The following SORCS3 variants were observed in gnomAD, a reference collection of about 807,000 sequenced individuals.
SORCS3 encodes VPS10 domain-containing receptor SorCS3.
Under a neutral mutation model 146.3 loss-of-function variants are expected in SORCS3, and 57 were observed. That is an observed-to-expected ratio of 0.39 (90% confidence interval 0.31 to 0.49). The LOEUF is 0.49. SORCS3 is among the 20% of genes least tolerant of loss of function. SORCS3 has a pLI of 0.92. For synonymous variants in SORCS3, 653 were observed against 618.5 expected (o/e 1.06, Z -0.83); for missense variants, 1,341 against 1,575.5 (o/e 0.85, Z 2.52).
intron 20 of SORCS3, among the ~76,000 whole-genome samples, chr10:105,234,528 CATTCTTGGAT>C (rs1404113845): frequency 6.7e-6 from 1 of 149,496 alleles, no homozygotes; most frequent in Non-Finnish European, 1.5e-5. Context: ...AGTTGTTCCT[CATTCTTGGAT>C]ATTCTTTTCC....
intron 14 of SORCS3, among the ~76,000 whole-genome samples, chr10:105,199,431 A>G (rs912374248): frequency 6.6e-6 from 1 of 152,098 alleles, no homozygotes; most frequent in Non-Finnish European, 1.5e-5. Context: ...GTAGGTAGGT[A>G]TTCATGTGCG....
intron 1 of SORCS3, among the ~76,000 whole-genome samples, chr10:104,653,965 C>T (rs1237814477): frequency 6.6e-6 from 1 of 152,094 alleles, no homozygotes; most frequent in Non-Finnish European, 1.5e-5. Context: ...CACTACCCTT[C>T]CTGCCTCTGG....
At chr10:105,187,272 T>G (rs2056483725) in intron 14 of SORCS3, among the ~76,000 whole-genome samples, 1 of 152,184 alleles carries the variant, frequency 6.6e-6, no homozygotes, top group Non-Finnish European at 1.5e-5. Flanking sequence ...TTCCACTACC[T>G]TGCCAATCAT....
At chr10:105,021,734 T>C (rs1392931562) in intron 4 of SORCS3, among the ~76,000 whole-genome samples, 2 of 152,222 alleles carry the variant, frequency 1.3e-5, no homozygotes, top group East Asian at 1.9e-4. Context: ...AGCTTTCATC[T>C]GTTTTCTCAT....
chr10:105,244,156 G>A (rs1295956815), intron 20 of SORCS3, among the ~76,000 whole-genome samples: 2 of 152,202 alleles, frequency 1.3e-5, no homozygotes, highest in Middle Eastern at 3.4e-3. Context: ...GAGAATTTGA[G>A]AGGGCACTGA....
chr10:105,186,712 G>T (rs914821531), intron 14 of SORCS3, among the ~76,000 whole-genome samples: 1 of 151,682 alleles, frequency 6.6e-6, no homozygotes, highest in Non-Finnish European at 1.5e-5. Flanking sequence ...GTGAAACCCC[G>T]TCTCTACTAA....
chr10:104,663,658 C>T (rs895215292), intron 1 of SORCS3, among the ~76,000 whole-genome samples: 4 of 152,172 alleles, frequency 2.6e-5, no homozygotes, highest in African/African-American at 4.8e-5. Context: ...TTGTCATTTA[C>T]GGCAATGACT....
At chr10:105,256,059 G>C (rs976356642) in intron 24 of SORCS3, among the ~76,000 whole-genome samples, 1 of 152,110 alleles carries the variant, frequency 6.6e-6, no homozygotes, top group Non-Finnish European at 1.5e-5. Flanking sequence ...ATTTACTTGG[G>C]TCTTAACCTT....
intron 1 of SORCS3, among the ~76,000 whole-genome samples, chr10:104,680,981 C>A (rs886135372): frequency 3.9e-5 from 6 of 152,230 alleles, no homozygotes; most frequent in African/African-American, 1.4e-4. Context: ...GAGGGACAGG[C>A]GCCAGGGCAG....
intron 4 of SORCS3, among the ~76,000 whole-genome samples, chr10:104,992,310 C>G (rs910570236): frequency 6.6e-6 from 1 of 152,102 alleles, no homozygotes; most frequent in African/African-American, 2.4e-5. Context: ...CCATGAGGAC[C>G]CCTTGGAAGA....
Position 104,842,837 on chromosome 10 carries a change from G to A in SORCS3, c.673G>A (p.Val225Met), listed in dbSNP as rs200604332. 138 of 1,613,722 alleles carry A rather than the reference G, an allele frequency of 8.6e-5. No homozygotes were observed. The highest frequency in any genetic ancestry group is 9.4e-5 in the Non-Finnish European group (111 of 1,179,834). ...TKLYDFNLGS[V>M]TESSLWRSTD... is the part of the protein sequence containing the mutation. ...GCTGTATGACTTCAACCTGGGCAGC[G>A]TGACTGAGAGTTCACTATGGAGGTA... Residue 225 changes from valine to methionine, a missense_variant, in exon 2 of 27, where the codon GTG (valine) becomes ATG (methionine). Physicochemically the swap from Val to Met is conservative, Grantham distance 21. Transcript: ENST00000369701.
intron 3 of SORCS3, among the ~76,000 whole-genome samples, chr10:104,960,006 G>T (rs2054783812): frequency 6.6e-6 from 1 of 152,106 alleles, no homozygotes; most frequent in African/African-American, 2.4e-5. Context: ...GTCTCAAAGG[G>T]TTGTTGCAGC....
intron 16 of SORCS3, among the ~76,000 whole-genome samples, chr10:105,201,464 G>A (rs1352103790): frequency 1.3e-5 from 2 of 152,192 alleles, no homozygotes; most frequent in South Asian, 2.1e-4. Flanking sequence ...TTCACAGAGA[G>A]AGTCACTGAT....
intron 1 of SORCS3, among the ~76,000 whole-genome samples, chr10:104,780,136 AG>A (rs1158547007): frequency 5.3e-5 from 3 of 56,374 alleles, no homozygotes; most frequent in Non-Finnish European, 9.4e-5. Context: ...GAGAGGAGGC[AG>A]TTTTTTTTTT....
In SORCS3 at chr10:104,872,459, C is replaced by T. The variant is rs190659405; in HGVS notation, c.695+29600C>T. Among the ~76,000 whole-genome samples the T allele has an allele frequency of 2.0e-4, 30 of 152,214 alleles. No individual in the cohort carries two copies. In the East Asian group the frequency reaches 2.3e-3, roughly 12 times the overall value. On this transcript the variant is annotated intron_variant, in intron 2 of 26. Transcript: ENST00000369701. ...CAATGTGAGTGTGCATCAGCATTACCGGTCTGCAACAATTTACAGTCCTGC... is the reference window on the plus strand; with the variant it reads ...CAATGTGAGTGTGCATCAGCATTACTGGTCTGCAACAATTTACAGTCCTGC...
chr10:105,255,205 A>AG (rs1261148258), intron 23 of SORCS3, among the ~76,000 whole-genome samples: 1 of 151,398 alleles, frequency 6.6e-6, no homozygotes, highest in East Asian at 1.9e-4. Flanking sequence ...AAAAAAAAAA[A>AG]AAAAAAGTGG....
intron 3 of SORCS3, among the ~76,000 whole-genome samples, chr10:104,942,706 A>C (rs2019332709): frequency 6.6e-6 from 1 of 152,250 alleles, no homozygotes; most frequent in Non-Finnish European, 1.5e-5. Flanking sequence ...ATCTTAAGCA[A>C]TGCAGAGCAA....
chr10:104,992,297 AGACCATGAG>A (rs769015970), intron 4 of SORCS3, among the ~76,000 whole-genome samples: 7 of 152,340 alleles, frequency 4.6e-5, no homozygotes, highest in South Asian at 2.1e-4. Flanking sequence ...GATGGTGCCC[AGACCATGAG>A]GACCCCTTGG....
Position 105,200,086 on chromosome 10 carries a change from G to A in SORCS3, c.2097G>A (p.Glu699=). The change falls in exon 15 of 27, where the codon GAG becomes GAA. Residue 699 remains glutamate (E), a synonymous_variant. Transcript: ENST00000369701. ...TCTTCAGCCGGCATTGCACCAAGGA[G>A]GACTATCAGACCTGGCACCTGCTCA... is the stretch of plus-strand genomic sequence containing the variant. ...KSIFSRHCTK[E]DYQTWHLLNQ... 6.2e-7 allele frequency: 1 copy of A among 1,613,582 alleles called. No homozygotes were observed. Among genetic ancestry groups the A allele is most frequent in the Non-Finnish European group, 8.5e-7 (1 of 1,179,620 alleles).
Sources: gnomAD v4.1 joint callset for allele counts (sites outside exome capture counted in the v4.1 genomes callset) on GRCh38, gnomAD v4.1.1 for gene constraint, MANE v1.5 for transcripts, NCBI Gene and HGNC (gene_info 2026-07-23, HGNC 2026-07-21) for gene names.